Variants in PCDHA1 observed in about 807,000 individuals in gnomAD.
PCDHA1 encodes the protein protocadherin alpha-1.
Under a neutral mutation model 61.3 loss-of-function variants are expected in PCDHA1, and 42 were observed. That is an observed-to-expected ratio of 0.69 (90% CI 0.54 to 0.89). The LOEUF (loss-of-function observed/expected upper bound fraction) is 0.89. PCDHA1 is among the 40% of genes least tolerant of loss of function. PCDHA1 has a pLI of 0.00. For missense variants in PCDHA1, 1,256 were observed against 1,235.3 expected (o/e 1.02, Z -0.25); for synonymous variants, 610 against 553.8 (o/e 1.10, Z -1.43).
intron 1 of PCDHA1, chr5:140,866,368 T>C (rs1172516799): frequency 6.6e-6 from 1 of 152,138 alleles, no homozygotes; most frequent in Non-Finnish European, 1.5e-5. Flanking sequence ...TATTGCATAC[T>C]TCAATAACAA....
chr5:140,842,539 G>C lies in PCDHA1; in HGVS notation c.2394+53855G>C, dbSNP rs182995378. Reference sequence around the variant, plus strand: ...TGTCCACCTTCAAGAATTACTACTCGTTGGTGCTGGACAGCGCCCTGGACC... The same window carrying C: ...TGTCCACCTTCAAGAATTACTACTCCTTGGTGCTGGACAGCGCCCTGGACC... On this transcript the variant is annotated intron_variant, in intron 1 of 3. Coordinates refer to ENST00000504120, the MANE Select transcript of PCDHA1 (RefSeq NM_018900.4). 2.7e-5 allele frequency: 43 copies of C among 1,610,552 alleles called. 1 individual carries two copies. In the East Asian group the frequency reaches 8.7e-4, roughly 33 times the overall value.
intron 1 of PCDHA1, among the ~76,000 whole-genome samples, chr5:140,898,854 C>G (rs1467228131): frequency 2.0e-5 from 3 of 152,150 alleles, no homozygotes; most frequent in Admixed American, 6.6e-5. Flanking sequence ...TTTGTATCCT[C>G]TTTTATTTCA....
intron 1 of PCDHA1, chr5:140,835,704 G>A (rs2150242538): frequency 3.1e-6 from 5 of 1,613,772 alleles, no homozygotes; most frequent in Admixed American, 3.3e-5. Context: ...CACTGCTAGC[G>A]TGTCCGTGGA....
intron 1 of PCDHA1, among the ~76,000 whole-genome samples, chr5:140,915,331 T>G (rs1485344164): frequency 6.6e-6 from 1 of 152,184 alleles, no homozygotes; most frequent in Non-Finnish European, 1.5e-5. Context: ...TGTTATAATA[T>G]TCTGTGTTTT....
At position 140,875,798 on chromosome 5, in the gene PCDHA1, T is replaced by C. The variant is rs377753022; in HGVS notation, c.2394+87114T>C. On this transcript the variant is annotated intron_variant, in intron 1 of 3. Coordinates refer to ENST00000504120, the MANE Select transcript of PCDHA1 (RefSeq NM_018900.4). ...GAGTGCAGTATCCACCTGGAGGTGATCGTGGACAGGCCGCTGCAGGTTTTC... is the reference window on the plus strand; with the variant it reads ...GAGTGCAGTATCCACCTGGAGGTGACCGTGGACAGGCCGCTGCAGGTTTTC... 1.5e-5 allele frequency: 24 copies of C among 1,614,138 alleles called. No individual in the cohort carries two copies. In the African/African-American group the frequency reaches 3.1e-4, roughly 21 times the overall value.
chr5:140,842,481 G>T (rs1554139090), intron 1 of PCDHA1: 1 of 1,613,806 alleles, frequency 6.2e-7, no homozygotes, highest in East Asian at 2.2e-5. Flanking sequence ...CAGGTGACCT[G>T]CTCCCTGATG....
chr5:140,861,046 A>G (rs2046732410), intron 1 of PCDHA1: 1 of 152,256 alleles, frequency 6.6e-6, no homozygotes, highest in African/African-American at 2.4e-5. Context: ...ATTTTTTTTA[A>G]CAGAAGAAAA....
At chr5:140,798,213 C>A (rs375468606) in intron 1 of PCDHA1, among the ~76,000 whole-genome samples, 1 of 152,118 alleles carries the variant, frequency 6.6e-6, no homozygotes, top group Non-Finnish European at 1.5e-5. Flanking sequence ...GATATTTTAA[C>A]ACCAGAATTT....
At chr5:140,968,909 G>T in intron 1 of PCDHA1, 1 of 1,614,172 alleles carries the variant, frequency 6.2e-7, no homozygotes, top group East Asian at 2.2e-5. Flanking sequence ...ATTAAGCACA[G>T]TGTCTTTTAT....
At chr5:140,827,132 A>G (rs1274640005) in intron 1 of PCDHA1, among the ~76,000 whole-genome samples, 1 of 152,222 alleles carries the variant, frequency 6.6e-6, no homozygotes, top group Non-Finnish European at 1.5e-5. Context: ...TTAGAAACAT[A>G]GAAAGAAGGG....
At position 140,857,343 on chromosome 5, in the gene PCDHA1, C is replaced by T. The variant is rs565903992; in HGVS notation, c.2394+68659C>T. 68 of 1,598,512 alleles carry T rather than the reference C, an allele frequency of 4.3e-5. 8 individuals carry two copies. The South Asian group carries it at 4.3e-4, about 10-fold the overall frequency. On this transcript the variant is annotated intron_variant, in intron 1 of 3. Coordinates refer to ENST00000504120, the MANE Select transcript of PCDHA1 (RefSeq NM_018900.4). ...GTGACCGCGCGGGACGGGGGCTCGC[C>T]TCCGCTGTGGGCCACGGCCAGCGTG...
At chr5:140,823,503 G>A in intron 1 of PCDHA1, 1 of 1,613,406 alleles carries the variant, frequency 6.2e-7, no homozygotes, top group South Asian at 1.1e-5. Flanking sequence ...GCGGCGCAGT[G>A]AGCGAGCTGG....
intron 1 of PCDHA1, chr5:140,883,057 G>A (rs781846985): frequency 1.2e-6 from 2 of 1,614,006 alleles, no homozygotes; most frequent in South Asian, 1.1e-5. Flanking sequence ...TAGTGATCAA[G>A]CTAAATGCCA....
intron 1 of PCDHA1, chr5:140,834,269 A>C: frequency 9.7e-7 from 1 of 1,036,048 alleles, no homozygotes; most frequent in Non-Finnish European, 1.4e-6. Flanking sequence ...ACTCTCTTTC[A>C]CTCTTTGGAT....
intron 1 of PCDHA1, chr5:140,824,274 A>G (rs2150133903): frequency 1.5e-4 from 169 of 1,155,556 alleles, no homozygotes; most frequent in Middle Eastern, 6.1e-4. Context: ...CATGTATTAT[A>G]TGCTTTTTAT....
At chr5:141,001,653 G>A (rs2098030504) in intron 3 of PCDHA1, among the ~76,000 whole-genome samples, 1 of 152,182 alleles carries the variant, frequency 6.6e-6, no homozygotes, top group African/African-American at 2.4e-5. Context: ...TGTGGGAGAA[G>A]GCGGAGCTTG....
At chr5:140,889,054 T>C in intron 1 of PCDHA1, among the ~76,000 whole-genome samples, 1 of 152,100 alleles carries the variant, frequency 6.6e-6, no homozygotes, top group Non-Finnish European at 1.5e-5. Flanking sequence ...TTTATAATCC[T>C]TTTAATATAC....
intron 1 of PCDHA1, chr5:140,968,724 G>C: frequency 6.2e-7 from 1 of 1,614,090 alleles, no homozygotes; most frequent in Non-Finnish European, 8.5e-7. Context: ...GATGAGAGTG[G>C]TAGCACTTTC....
intron 1 of PCDHA1, chr5:140,865,380 G>C (rs1429077853): frequency 6.6e-6 from 1 of 152,142 alleles, no homozygotes; most frequent in Non-Finnish European, 1.5e-5. Context: ...TTATAGGTAG[G>C]GTAAAGTTAA....
Sources: gnomAD v4.1 joint callset for allele counts (sites outside exome capture counted in the v4.1 genomes callset) on GRCh38, gnomAD v4.1.1 for gene constraint, MANE v1.5 for transcripts, NCBI Gene and HGNC (gene_info 2026-07-23, HGNC 2026-07-21) for gene names.